Variants in CLIC5 observed in about 807,000 individuals in gnomAD.
CLIC5 encodes CLIC family member 5.
CLIC5 carries 20 observed loss-of-function variants against 24.7 expected under a neutral mutation model. That is an observed-to-expected ratio of 0.81 (90% CI 0.57 to 1.18). The LOEUF (loss-of-function observed/expected upper bound fraction) is 1.18. Ranked by LOEUF, CLIC5 falls within the 50% of genes most tolerant of loss-of-function variation. The probability of loss-of-function intolerance (pLI) is 0.00; values close to 1 mark genes in which losing one functional copy is unlikely to be tolerated. For missense variants in CLIC5, 341 were observed against 326.1 expected (o/e 1.05, Z -0.35); for synonymous variants, 159 against 135.6 (o/e 1.17, Z -1.20).
intron 1 of CLIC5, among the ~76,000 whole-genome samples, chr6:46,034,362 C>A (rs974319820): frequency 6.6e-5 from 10 of 152,218 alleles, no homozygotes; most frequent in Non-Finnish European, 1.5e-4. Context: ...GAAGGCAAAA[C>A]CCACCATTCG....
intron 1 of CLIC5, among the ~76,000 whole-genome samples, chr6:45,959,377 A>G (rs1764774204): frequency 6.6e-6 from 1 of 152,234 alleles, no homozygotes; most frequent in Admixed American, 6.5e-5. Flanking sequence ...ATCTTAACAC[A>G]AAATAACTAT....
chr6:45,950,239 C>T (rs1026829080), intron 2 of CLIC5, among the ~76,000 whole-genome samples: 1 of 152,126 alleles, frequency 6.6e-6, no homozygotes, highest in African/African-American at 2.4e-5. Flanking sequence ...TCAGTAGATA[C>T]ATATTTTTAA....
chr6:45,966,005 CT>C (rs771270704), intron 1 of CLIC5, among the ~76,000 whole-genome samples: 3 of 152,274 alleles, frequency 2.0e-5, no homozygotes, highest in South Asian at 4.1e-4. Context: ...CTCATCTGCC[CT>C]TCTGTTCTGG....
rs1762489938 is a variant in CLIC5, at chr6:45,900,742, C to T, written c.*2346G>A. The T allele has an allele frequency of 2.0e-5, 3 of 152,122 alleles. No homozygotes were observed. Among genetic ancestry groups the T allele is most frequent in the Admixed American group, 6.5e-5 (1 of 15,270 alleles). 9.4% of individuals were successfully genotyped at this position (152,122 alleles called of 1,614,324 possible). A position where few individuals can be genotyped will look rare whatever the true frequency, so the allele number is the denominator to read the frequency against. On this transcript the variant is annotated 3_prime_UTR_variant, in exon 6 of 6. Coordinates refer to ENST00000339561, the MANE Select transcript of CLIC5 (RefSeq NM_016929.5). ...TCTCTTTCAAATGGCTATCATTGAT[C>T]ATATAACACCCCCACCTCCTTGTCT...
At chr6:46,110,867 T>C in the CLIC5 span, among the ~76,000 whole-genome samples, 7 of 152,352 alleles carry the variant, frequency 4.6e-5, no homozygotes, top group South Asian at 1.4e-3. Flanking sequence ...TCAATCACTG[T>C]GTTTGCTGCA....
chr6:46,072,944 T>C (rs1762654542), intron 1 of CLIC5, among the ~76,000 whole-genome samples: 1 of 152,186 alleles, frequency 6.6e-6, no homozygotes, highest in South Asian at 2.1e-4. Context: ...TTCATGAACA[T>C]ATGAATATAT....
rs1201850451 is a variant in CLIC5 at position 45,999,732 on chromosome 6, G to GTTTTTTTTT, written c.63+15739_63+15747dup. ...GTAAATCTATTTTCTCTTCCTTGTG[G>GTTTTTTTTT]TTTTTTTTTTTTTTTTTTTTTTTTG... On this transcript the variant is annotated intron_variant, in intron 1 of 5. Transcript: ENST00000339561. Among the ~76,000 whole-genome samples the GTTTTTTTTT allele has an allele frequency of 1.3e-3, 68 of 50,848 alleles. 12 individuals carry two copies. The highest frequency in any genetic ancestry group is 5.8e-3 in the African/African-American group (61 of 10,450). The allele number at this position is 50,848 out of a possible 152,430, so 33.4% of individuals were successfully genotyped here. A position where few individuals can be genotyped will look rare whatever the true frequency, so the allele number is the denominator to read the frequency against.
At chr6:46,071,462 G>A (rs1453138514) in intron 1 of CLIC5, among the ~76,000 whole-genome samples, 2 of 151,916 alleles carry the variant, frequency 1.3e-5, no homozygotes, top group Non-Finnish European at 2.9e-5. Flanking sequence ...AGACATACAT[G>A]GGGCCAACAA....
At chr6:45,997,236 C>T (rs1176444290) in intron 1 of CLIC5, among the ~76,000 whole-genome samples, 2 of 150,758 alleles carry the variant, frequency 1.3e-5, no homozygotes, top group Non-Finnish European at 3.0e-5. Flanking sequence ...TCATCATTCT[C>T]AGTAAACTCT....
chr6:45,937,701 T>G (rs1481099705), intron 4 of CLIC5: 2 of 152,220 alleles, frequency 1.3e-5, no homozygotes, highest in African/African-American at 2.4e-5. Context: ...TAACTTGTGG[T>G]TTTTTGAATG....
intron 5 of CLIC5, among the ~76,000 whole-genome samples, chr6:45,903,537 C>T (rs893450144): frequency 1.3e-5 from 2 of 152,148 alleles, no homozygotes; most frequent in African/African-American, 4.8e-5. Context: ...GATTTACCTA[C>T]ACAATTATGA....
At chr6:46,006,868 C>T (rs565910175) in intron 1 of CLIC5, among the ~76,000 whole-genome samples, 1 of 151,800 alleles carries the variant, frequency 6.6e-6, no homozygotes, top group East Asian at 2.0e-4. Context: ...CTAGAGACGG[C>T]GTTTCACCAT....
intron 4 of CLIC5, among the ~76,000 whole-genome samples, chr6:45,923,665 G>A (rs1027057242): frequency 2.0e-5 from 3 of 152,230 alleles, no homozygotes; most frequent in Admixed American, 6.5e-5. Flanking sequence ...AAGGTGGGAA[G>A]TGTTGAGTAT....
chr6:45,957,355 C>CA (rs1304739117), intron 1 of CLIC5, among the ~76,000 whole-genome samples: 2 of 152,072 alleles, frequency 1.3e-5, no homozygotes, highest in African/African-American at 4.8e-5. Context: ...GGGATATTTT[C>CA]AGCTTTTACA....
chr6:45,982,798 A>G (rs934706796), intron 1 of CLIC5, among the ~76,000 whole-genome samples: 1 of 152,220 alleles, frequency 6.6e-6, no homozygotes, highest in African/African-American at 2.4e-5. Flanking sequence ...GGCTGCATAG[A>G]TGAGTGGTTT....
intron 1 of CLIC5, among the ~76,000 whole-genome samples, chr6:46,047,934 G>A (rs897383240): frequency 1.3e-5 from 2 of 150,662 alleles, no homozygotes; most frequent in South Asian, 4.2e-4. Flanking sequence ...GTATATAATA[G>A]TTTTCTAAAA....
intron 1 of CLIC5, among the ~76,000 whole-genome samples, chr6:46,025,147 A>G (rs1419890035): frequency 6.6e-6 from 1 of 152,166 alleles, no homozygotes; most frequent in Non-Finnish European, 1.5e-5. Context: ...TGGTGGTTCA[A>G]CCTCTCGGAG....
upstream of CLIC5, chr6:46,018,709 A>C (rs1767088854): frequency 6.6e-6 from 1 of 152,220 alleles, no homozygotes. Flanking sequence ...GTTTTGAATA[A>C]ATTTTTACCA....
At chr6:45,951,068 T>G (rs138378343) in intron 2 of CLIC5, among the ~76,000 whole-genome samples, 6 of 152,330 alleles carry the variant, frequency 3.9e-5, no homozygotes, top group African/African-American at 1.4e-4. Flanking sequence ...TATTTCTTCT[T>G]ATAGCAAACT....
Sources: gnomAD v4.1 joint callset for allele counts (sites outside exome capture counted in the v4.1 genomes callset) on GRCh38, gnomAD v4.1.1 for gene constraint, MANE v1.5 for transcripts, NCBI Gene and HGNC (gene_info 2026-07-23, HGNC 2026-07-21) for gene names.